Variants in ANO3 observed in about 807,000 individuals in gnomAD.
ANO3 encodes anoctamin 3.
A neutral mutation model predicts 144.8 loss-of-function variants in ANO3; 99 were observed. The observed-to-expected ratio is 0.68, with a 90% CI of 0.58 to 0.81. The LOEUF is 0.81. ANO3 is among the 30% of genes least tolerant of loss of function. The pLI is 0.00. For synonymous variants in ANO3, 414 were observed against 392.6 expected, an observed-to-expected ratio of 1.05 and a Z score of -0.64; for missense variants, 905 against 1,202.2, an observed-to-expected ratio of 0.75 and a Z score of 3.66.
chr11:26,595,439 A>C (rs1181982037), intron 14 of ANO3, among the ~76,000 whole-genome samples: 2 of 120,950 alleles, frequency 1.7e-5, no homozygotes, highest in African/African-American at 6.7e-5. Flanking sequence ...TAAACTTTTG[A>C]CTCAGTATTG....
intron 1 of ANO3, among the ~76,000 whole-genome samples, chr11:26,212,907 G>A (rs907952046): frequency 2.6e-5 from 4 of 152,042 alleles, no homozygotes; most frequent in African/African-American, 9.7e-5. Context: ...ATCAAATCTA[G>A]CAGCACATCA....
intron 14 of ANO3, among the ~76,000 whole-genome samples, chr11:26,562,095 T>C (rs973786658): frequency 7.9e-5 from 12 of 152,018 alleles, no homozygotes; most frequent in Non-Finnish European, 1.8e-4. Context: ...TTAGATTGTA[T>C]CAATTTTTGA....
At chr11:26,557,583 A>T (rs773811194) in intron 13 of ANO3, among the ~76,000 whole-genome samples, 8 of 152,124 alleles carry the variant, frequency 5.3e-5, no homozygotes, top group Non-Finnish European at 1.0e-4. Flanking sequence ...GTAGGACAAG[A>T]TTCTTTTTGC....
At chr11:26,195,163 T>C (rs1427494537) in intron 1 of ANO3, among the ~76,000 whole-genome samples, 1 of 152,208 alleles carries the variant, frequency 6.6e-6, no homozygotes, top group Non-Finnish European at 1.5e-5. Context: ...TGGTTTCTGT[T>C]GGCTACTAGG....
At chr11:26,229,214 A>G (rs1226226889) in intron 1 of ANO3, among the ~76,000 whole-genome samples, 1 of 152,148 alleles carries the variant, frequency 6.6e-6, no homozygotes, top group Non-Finnish European at 1.5e-5. Flanking sequence ...TCTCTGTGTT[A>G]GTGAGATTCA....
intron 1 of ANO3, among the ~76,000 whole-genome samples, chr11:26,192,269 A>G (rs1851492759): frequency 6.6e-6 from 1 of 152,272 alleles, no homozygotes; most frequent in South Asian, 2.1e-4. Flanking sequence ...AATAGAGTCA[A>G]GTTTTATTTA....
At chr11:26,306,461 G>A (rs2133867032), upstream of ANO3, among the ~76,000 whole-genome samples, 1 of 152,142 alleles carries the variant, frequency 6.6e-6, no homozygotes, top group East Asian at 1.9e-4. Context: ...CACTTTGGGA[G>A]GCTGACCAGC....
At chr11:26,503,977 T>A (rs1229195873) in intron 4 of ANO3, among the ~76,000 whole-genome samples, 2 of 152,194 alleles carry the variant, frequency 1.3e-5, no homozygotes, top group African/African-American at 4.8e-5. Context: ...CACCTGGGAT[T>A]AAATATGTTA....
At chr11:26,196,675 C>G (rs570937477) in intron 1 of ANO3, among the ~76,000 whole-genome samples, 1 of 151,704 alleles carries the variant, frequency 6.6e-6, no homozygotes, top group East Asian at 1.9e-4. Context: ...TCAAAAATTC[C>G]CTCATATACT....
In ANO3 at chr11:26,656,603, A is replaced by G. The variant is rs1025604302; in HGVS notation, c.2763+122A>G. 46 of 667,522 alleles carry G rather than the reference A, an allele frequency of 6.9e-5. No individual in the cohort carries two copies. The East Asian group carries it at 1.0e-3, about 15-fold the overall frequency. 41.3% of individuals were successfully genotyped at this position (667,522 alleles called of 1,614,324 possible). A position where few individuals can be genotyped will look rare whatever the true frequency, so the allele number is the denominator to read the frequency against. The stretch of plus-strand genomic sequence containing the variant: ...AAAACACTTAAGTAGGTCCCGTAAA[A>G]GGCTTTAATACAATGAAAGCATTAT... On this transcript the variant is annotated intron_variant, in intron 26 of 26. Coordinates refer to ENST00000256737, the MANE Select transcript of ANO3 (RefSeq NM_031418.4).
Position 26,598,511 on chromosome 11 carries a change from C to T in ANO3, c.1530+64C>T, listed in dbSNP as rs575152609. On this transcript the variant is annotated intron_variant, in intron 15 of 26. Transcript: ENST00000256737. ...TATTACAGGATATGGAAAATTACTG[C>T]CCTAGCATTCCGGCTGGAAGCAGTT... is the stretch of plus-strand genomic sequence containing the variant. The T allele has an allele frequency of 2.7e-4, 299 of 1,123,852 alleles. 3 individuals are homozygous for T. In the South Asian group the frequency reaches 4.2e-3, roughly 16 times the overall value. 69.6% of individuals were successfully genotyped at this position (1,123,852 alleles called of 1,614,324 possible). A position where few individuals can be genotyped will look rare whatever the true frequency, so the allele number is the denominator to read the frequency against.
chr11:26,346,944 A>C (rs1855511103), intron 1 of ANO3, among the ~76,000 whole-genome samples: 1 of 152,234 alleles, frequency 6.6e-6, no homozygotes, highest in Admixed American at 6.5e-5. Flanking sequence ...TTTTATACAC[A>C]GCCATTGCCA....
intron 1 of ANO3, among the ~76,000 whole-genome samples, chr11:26,302,543 C>T (rs911200980): frequency 3.3e-5 from 5 of 151,936 alleles, no homozygotes; most frequent in African/African-American, 1.2e-4. Flanking sequence ...CAAAAGAATG[C>T]CTCCGATTAT....
intron 13 of ANO3, among the ~76,000 whole-genome samples, chr11:26,557,460 C>CAA (rs527754155): frequency 5.5e-4 from 60 of 108,668 alleles, no homozygotes; most frequent in Admixed American, 7.3e-4. Flanking sequence ...GACTCTGTCT[C>CAA]AAAAAAAAAA....
chr11:26,553,106 A>G, intron 12 of ANO3, 143 bp from the exon 13 acceptor site: 1 of 620,144 alleles, frequency 1.6e-6, no homozygotes, highest in Non-Finnish European at 2.9e-6. Flanking sequence ...CACAGTGCCC[A>G]CCACTCCCCA....
intron 20 of ANO3, among the ~76,000 whole-genome samples, chr11:26,635,555 A>G (rs955560356): frequency 8.5e-5 from 13 of 152,110 alleles, no homozygotes; most frequent in African/African-American, 2.4e-4. Flanking sequence ...GGATAAGCAT[A>G]TTGTATATTT....
At chr11:26,236,817 CAAAAAAAAAAAA>C (rs55979503) in intron 1 of ANO3, among the ~76,000 whole-genome samples, 3 of 86,754 alleles carry the variant, frequency 3.5e-5, no homozygotes, top group African/African-American at 4.8e-5. Flanking sequence ...GACTCCGTCT[CAAAAAAAAAAAA>C]AAAAAAAAGA....
chr11:26,596,602 A>G (rs1851637125), intron 14 of ANO3, among the ~76,000 whole-genome samples: 1 of 152,170 alleles, frequency 6.6e-6, no homozygotes, highest in Non-Finnish European at 1.5e-5. Context: ...GCTTCCTTAG[A>G]TCCCTTTGGA....
Position 26,191,943 on chromosome 11 carries a change from A to T in ANO3, c.154+2613A>T, listed in dbSNP as rs113674316. Among the ~76,000 whole-genome samples, 702 of 152,332 alleles carry T rather than the reference A, an allele frequency of 4.6e-3. 3 individuals are homozygous for T. The highest frequency in any genetic ancestry group is 8.7e-3 in the Non-Finnish European group (590 of 68,028). ...TATTAGACTATGTTTCTTGAAGATAAGTATCACTACCCAATTGTTTGTGGC... is the reference window on the plus strand; with the variant it reads ...TATTAGACTATGTTTCTTGAAGATATGTATCACTACCCAATTGTTTGTGGC... On this transcript the variant is annotated intron_variant, in intron 1 of 27. Transcript: ENST00000672621.
Sources: gnomAD v4.1 joint callset for allele counts (sites outside exome capture counted in the v4.1 genomes callset) on GRCh38, gnomAD v4.1.1 for gene constraint, MANE v1.5 for transcripts, NCBI Gene and HGNC (gene_info 2026-07-23, HGNC 2026-07-21) for gene names.